Variants in ABHD11 observed in about 807,000 individuals in gnomAD.
The protein encoded by ABHD11 is abhydrolase domain containing 11.
Under a neutral mutation model 29.0 loss-of-function variants are expected in ABHD11, and 26 were observed. The ratio of observed to expected loss-of-function variants is 0.90; its 90% CI spans 0.66 to 1.24. The LOEUF is 1.24. Ranked by LOEUF, ABHD11 falls within the 50% of genes most tolerant of loss-of-function variation. ABHD11 has a pLI of 0.00. For synonymous variants in ABHD11, 169 were observed against 166.4 expected (o/e 1.02, Z -0.12); for missense variants, 381 against 422.4 (o/e 0.90, Z 0.86).
chr7:73,737,488 T>C (rs1800023080), intron 3 of ABHD11, 74 bp downstream of exon 3: 2 of 1,561,372 alleles, frequency 1.3e-6, no homozygotes, highest in East Asian at 4.5e-5. Context: ...AACGATCATG[T>C]GAGTCCCAGG....
Position 73,738,047 on chromosome 7 carries a change from A to T in ABHD11, c.261+281T>A, listed in dbSNP as rs560336019. 44 of 741,130 alleles carry T rather than the reference A, an allele frequency of 5.9e-5. No homozygotes were observed. In the Middle Eastern group the frequency reaches 6.9e-4, roughly 12 times the overall value. 45.9% of individuals were successfully genotyped at this position (741,130 alleles called of 1,614,324 possible). ...GGAGCACAGAAGAATGGGCTGCCAT[A>T]AGAGGTGGTGAGCTCCCGGTCATCC... On this transcript the variant is annotated intron_variant, in intron 2 of 5. Transcript: ENST00000222800.
rs782292318 is a variant in ABHD11 at position 73,736,575 on chromosome 7, C to T, written c.905G>A (p.Arg302Gln). 30 of 1,613,830 alleles carry T rather than the reference C, an allele frequency of 1.9e-5. No individual in the cohort carries two copies. In the East Asian group the frequency reaches 2.7e-4, roughly 14 times the overall value. ...DRPQDFIAAI[R>Q]GFLV ...CAGCAACTCTTAGACCAGGAAGCCT[C>T]GGATGGCAGCTATGAAGTCCTGTGG... The change falls in exon 6 of 6, where the codon CGA becomes CAA. Residue 302 changes from arginine (R) to glutamine (Q), a missense_variant. Physicochemically the swap from Arg to Gln is conservative, Grantham distance 43 (BLOSUM62 1). Coordinates refer to ENST00000222800, the MANE Select transcript of ABHD11 (RefSeq NM_148912.4).
chr7:73,737,114 T>TG lies in ABHD11; in HGVS notation c.607-5dup. The stretch of plus-strand genomic sequence containing the variant: ...GGTGCTGCCGCACGGCCATGTCCTG[T>TG]GGGGGTGCAGCAGTTGGGGGAGGTT... On this transcript the variant is annotated splice_polypyrimidine_tract_variant and splice_region_variant and intron_variant, in intron 4 of 5. Transcript: ENST00000222800. 1 of 1,613,728 alleles carries TG rather than the reference T, an allele frequency of 6.2e-7. No homozygotes were observed. Among genetic ancestry groups the TG allele is most frequent in the Non-Finnish European group, 8.5e-7 (1 of 1,180,004 alleles).
chr7:73,737,553 G>A lies in ABHD11; in HGVS notation c.435+9C>T. On this transcript the variant is annotated intron_variant, in intron 3 of 5. Transcript: ENST00000222800. Reference sequence around the variant, plus strand: ...GAATGGGAGGAGGCCCCAGACATGGGCGGCTCACCCTCTGTAGTGCCAGCA... The same window carrying A: ...GAATGGGAGGAGGCCCCAGACATGGACGGCTCACCCTCTGTAGTGCCAGCA... 1 of 1,591,574 alleles carries A rather than the reference G, an allele frequency of 6.3e-7. No individual in the cohort carries two copies.
In ABHD11 at chr7:73,737,073, A is replaced by C; in HGVS notation, c.644T>G (p.Val215Gly). ...AVRQHLLTNL[V>G]EVDGRFVWRV... ...CCACACGAAGCGCCCGTCTACCTCT[A>C]CCAGGTTAGTGAGCAGGTGCTGCCG... The change falls in exon 5 of 6, where the codon GTA (valine) becomes GGA (glycine). Residue 215 changes from valine (V) to glycine (G), a missense_variant. Transcript: ENST00000222800. 4 of 1,614,064 alleles carry C rather than the reference A, an allele frequency of 2.5e-6. No homozygotes were observed. In the East Asian group the frequency reaches 6.7e-5, roughly 27 times the overall value.
Position 73,736,391 on chromosome 7 carries a change from C to T in ABHD11, c.*168G>A, listed in dbSNP as rs1021995072. Reference sequence around the variant, plus strand: ...AGTAGCTGGGATTACAGGTGTGCACCACCACGCCAGGCTAATTTTTGTATT... The same window carrying T: ...AGTAGCTGGGATTACAGGTGTGCACTACCACGCCAGGCTAATTTTTGTATT... On this transcript the variant is annotated 3_prime_UTR_variant, in exon 6 of 6. Coordinates refer to ENST00000222800, the MANE Select transcript of ABHD11 (RefSeq NM_148912.4). The T allele has an allele frequency of 1.4e-5, 12 of 838,734 alleles. No homozygotes were observed. Among genetic ancestry groups the T allele is most frequent in the Non-Finnish European group, 2.2e-5 (12 of 555,004 alleles). The allele number at this position is 838,734 out of a possible 1,614,324, so 52.0% of individuals were successfully genotyped here.
intron 2 of ABHD11, 189 bp downstream of exon 2, chr7:73,738,139 A>T: frequency 1.9e-6 from 2 of 1,063,736 alleles, no homozygotes; most frequent in Non-Finnish European, 2.8e-6. Context: ...GCCCCGATGG[A>T]GATCTACAAC....
intron 3 of ABHD11, 44 bp from the exon 4 acceptor site, chr7:73,737,435 G>A: frequency 6.3e-7 from 1 of 1,583,000 alleles, no homozygotes; most frequent in Non-Finnish European, 8.6e-7. Flanking sequence ...GGCAGACATA[G>A]GGAGTCTCAG....
In ABHD11 at chr7:73,738,791, C is replaced by T; in HGVS notation, c.-21G>A. Reference sequence around the variant, plus strand: ...AGCATGCTTGCAAGCTGTTGGCCGGCTCGCATCTCACAAGGTACGTCCTCC... The same window carrying T: ...AGCATGCTTGCAAGCTGTTGGCCGGTTCGCATCTCACAAGGTACGTCCTCC... On this transcript the variant is annotated 5_prime_UTR_variant, in exon 1 of 6. Transcript: ENST00000222800. 2 of 1,592,318 alleles carry T rather than the reference C, an allele frequency of 1.3e-6. No homozygotes were observed. The highest frequency in any genetic ancestry group is 1.7e-6 in the Non-Finnish European group (2 of 1,168,556).
rs1554621566 is a variant in ABHD11 at position 73,736,132 on chromosome 7, T to A, written c.*427A>T. 1 of 457,144 alleles carries A rather than the reference T, an allele frequency of 2.2e-6. No homozygotes were observed. Among genetic ancestry groups the A allele is most frequent in the Non-Finnish European group, 4.4e-6 (1 of 227,248 alleles). The allele number at this position is 457,144 out of a possible 1,614,324, so 28.3% of individuals were successfully genotyped here. ...TCTTTATTCATTAAAGCCTGAGGTC[T>A]GACCACCCCTGTAAAACCTCGTGCC... On this transcript the variant is annotated 3_prime_UTR_variant, in exon 6 of 6. Transcript: ENST00000222800.
At position 73,737,290 on chromosome 7, in the gene ABHD11, G is replaced by A; in HGVS notation, c.537C>T (p.Asn179=). The A allele has an allele frequency of 6.2e-7, 1 of 1,614,136 alleles. No individual in the cohort carries two copies. ...ATYVAAMRAI[N]IADELPRSRA... Reference sequence around the variant, plus strand: ...GGGAGCGGGGCAGCTCATCTGCGATGTTGATGGCCCTCATGGCTGCCACAT... The same window carrying A: ...GGGAGCGGGGCAGCTCATCTGCGATATTGATGGCCCTCATGGCTGCCACAT... The change falls in exon 4 of 6, where the codon AAC becomes AAT. Residue 179 remains asparagine, a synonymous_variant. Coordinates refer to ENST00000222800, the MANE Select transcript of ABHD11 (RefSeq NM_148912.4).
chr7:73,737,935 T>G, intron 2 of ABHD11, 200 bp from the exon 3 acceptor site: 1 of 904,282 alleles, frequency 1.1e-6, no homozygotes, highest in South Asian at 1.4e-5. Flanking sequence ...GGCCCCAGGG[T>G]TGTGACCACG....
chr7:73,737,285 G>C lies in ABHD11; in HGVS notation c.542C>G (p.Ala181Gly), dbSNP rs1799997666. ...YVAAMRAINI[A>G]DELPRSRARK... ...GGCACGGGAGCGGGGCAGCTCATCT[G>C]CGATGTTGATGGCCCTCATGGCTGC... is the stretch of plus-strand genomic sequence containing the variant. Residue 181 changes from alanine (A) to glycine (G), a missense_variant, in exon 4 of 6, where the codon GCA becomes GGA. Transcript: ENST00000222800. The C allele has an allele frequency of 6.2e-7, 1 of 1,614,112 alleles. No individual in the cohort carries two copies. Among genetic ancestry groups the C allele is most frequent in the East Asian group, 2.2e-5 (1 of 44,884 alleles).
intron 5 of ABHD11, 69 bp downstream of exon 5, chr7:73,736,860 C>T: frequency 1.3e-6 from 2 of 1,577,956 alleles, no homozygotes; most frequent in Admixed American, 1.7e-5. Flanking sequence ...AAGGCCTCCC[C>T]TGGTAGGGTC....
At position 73,737,113 on chromosome 7, in the gene ABHD11, G is replaced by C. The variant is rs782265860; in HGVS notation, c.607-3C>G. ...AGGTGCTGCCGCACGGCCATGTCCT[G>C]TGGGGGTGCAGCAGTTGGGGGAGGT... On this transcript the variant is annotated splice_region_variant and splice_polypyrimidine_tract_variant and intron_variant, in intron 4 of 5. Coordinates refer to ENST00000222800, the MANE Select transcript of ABHD11 (RefSeq NM_148912.4). 2 of 1,613,740 alleles carry C rather than the reference G, an allele frequency of 1.2e-6. No individual in the cohort carries two copies. Among genetic ancestry groups the C allele is most frequent in the African/African-American group, 2.7e-5 (2 of 74,934 alleles).
rs374443570 is a variant in ABHD11, at chr7:73,736,518, G to C, written c.*41C>G. The C allele has an allele frequency of 8.7e-6, 14 of 1,609,710 alleles. No homozygotes were observed. In the African/African-American group the frequency reaches 1.7e-4, roughly 20 times the overall value. On this transcript the variant is annotated 3_prime_UTR_variant, in exon 6 of 6. Transcript: ENST00000222800. ...GCCTCCCAAAGTGCTGGAATTACAG[G>C]CATGAGCCACCACGCCCGGCCATCT...
chr7:73,736,889 C>T (rs533361215), intron 5 of ABHD11, 40 bp downstream of exon 5: 8 of 1,598,860 alleles, frequency 5.0e-6, no homozygotes, highest in African/African-American at 4.0e-5. Context: ...GGGGCCTGGG[C>T]GAGTAAAGCA....
Position 73,736,501 on chromosome 7 carries a change from A to C in ABHD11, c.*58T>G. The stretch of plus-strand genomic sequence containing the variant: ...GTCATCCTCCCGCCTTAGCCTCCCA[A>C]AGTGCTGGAATTACAGGCATGAGCC... On this transcript the variant is annotated 3_prime_UTR_variant, in exon 6 of 6. Coordinates refer to ENST00000222800, the MANE Select transcript of ABHD11 (RefSeq NM_148912.4). 1 of 1,601,494 alleles carries C rather than the reference A, an allele frequency of 6.2e-7. No homozygotes were observed. Among genetic ancestry groups the C allele is most frequent in the Non-Finnish European group, 8.5e-7 (1 of 1,173,796 alleles).
chr7:73,737,497 G>A, intron 3 of ABHD11, 65 bp downstream of exon 3: 3 of 1,559,526 alleles, frequency 1.9e-6, no homozygotes, highest in South Asian at 1.2e-5. Context: ...GTGAGTCCCA[G>A]GTTGCCTGCA....
Sources: gnomAD v4.1 joint callset for allele counts on GRCh38, gnomAD v4.1.1 for gene constraint, MANE v1.5 for transcripts, NCBI Gene and HGNC (gene_info 2026-07-23, HGNC 2026-07-21) for gene names.